GNAI1: variants seen among roughly 807,000 people sequenced by gnomAD.
The protein encoded by GNAI1 is guanine nucleotide-binding protein G(i) subunit alpha-1.
In GNAI1, 11 loss-of-function variants were observed where a neutral mutation model predicts 38.9. The observed-to-expected ratio is 0.28, with a 90% confidence interval of 0.18 to 0.47. GNAI1 has a LOEUF of 0.47. Among genes scored for constraint, GNAI1 ranks in the 20% least tolerant of loss-of-function variants. The pLI is 0.99. For synonymous variants in GNAI1, 166 were observed against 145.1 expected (o/e 1.14, Z -1.04); for missense variants, 317 against 436.9 (o/e 0.73, Z 2.45).
intron 1 of GNAI1, chr7:80,136,214 C>T: frequency 4.9e-6 from 1 of 204,836 alleles, no homozygotes; most frequent in East Asian, 1.8e-4. Context: ...AAAATCTTTA[C>T]AGGTTAAGAT....
intron 1 of GNAI1, among the ~76,000 whole-genome samples, chr7:80,141,714 A>G (rs1457706766): frequency 6.6e-6 from 1 of 151,858 alleles, no homozygotes; most frequent in Non-Finnish European, 1.5e-5. Context: ...CTTTTACTTC[A>G]CCTTTTTCCT....
intron 1 of GNAI1, among the ~76,000 whole-genome samples, chr7:80,184,797 A>G (rs566234385): frequency 4.1e-4 from 63 of 152,242 alleles, no homozygotes; most frequent in African/African-American, 1.5e-3. Context: ...GCTACCTACT[A>G]TAACATCACA....
chr7:80,210,564 T>C (rs981785990), intron 5 of GNAI1, among the ~76,000 whole-genome samples: 18 of 152,158 alleles, frequency 1.2e-4, no homozygotes, highest in African/African-American at 4.1e-4. Context: ...TCCGTGACTG[T>C]GGCAAATGGA....
At chr7:80,175,866 A>G (rs912168844) in intron 1 of GNAI1, among the ~76,000 whole-genome samples, 5 of 152,188 alleles carry the variant, frequency 3.3e-5, no homozygotes, top group Admixed American at 2.6e-4. Flanking sequence ...CCTGAGACAC[A>G]GGAATATTGA....
intron 1 of GNAI1, among the ~76,000 whole-genome samples, chr7:80,168,671 C>A (rs1226619016): frequency 1.3e-5 from 2 of 152,186 alleles, no homozygotes; most frequent in Non-Finnish European, 2.9e-5. Flanking sequence ...GCGTGAGCCA[C>A]CGCGCCTGGC....
At chr7:80,174,189 C>T (rs778875569) in intron 1 of GNAI1, among the ~76,000 whole-genome samples, 2 of 152,022 alleles carry the variant, frequency 1.3e-5, no homozygotes, top group Admixed American at 6.6e-5. Context: ...CTAAATAAAT[C>T]GCATAATTTT....
Position 80,221,021 on chromosome 7 carries a change from G to A in GNAI1, c.*3528G>A, listed in dbSNP as rs1265001411. ...GTTACCATTTTTTACATCATTTGCC[G>A]TTTGCAGAACCACCTTATGTAAATG... On this transcript the variant is annotated 3_prime_UTR_variant, in exon 8 of 8. Transcript: ENST00000649796. Among the ~76,000 whole-genome samples, 5 of 152,090 alleles carry A rather than the reference G, an allele frequency of 3.3e-5. No individual in the cohort carries two copies. Among genetic ancestry groups the A allele is most frequent in the Non-Finnish European group, 4.4e-5 (3 of 68,028 alleles).
At chr7:80,138,485 A>G (rs2116063208) in intron 1 of GNAI1, among the ~76,000 whole-genome samples, 1 of 152,326 alleles carries the variant, frequency 6.6e-6, no homozygotes, top group East Asian at 1.9e-4. Context: ...TAAAGAAGTA[A>G]GTAATAATGA....
At chr7:80,212,959 C>A in intron 7 of GNAI1, 90 bp downstream of exon 7, 1 of 884,588 alleles carries the variant, frequency 1.1e-6, no homozygotes, top group Admixed American at 2.8e-5. Context: ...TAATTTAAAT[C>A]TCTTGGCTTA....
chr7:80,199,245 T>C lies in GNAI1; in HGVS notation c.324T>C (p.Phe108=). 1 of 1,612,046 alleles carries C rather than the reference T, an allele frequency of 6.2e-7. No homozygotes were observed. Among genetic ancestry groups the C allele is most frequent in the Admixed American group, 1.7e-5 (1 of 59,860 alleles). ...TTCAGGATGATGCACGCCAACTCTT[T>C]GTGCTAGCTGGAGCTGCTGAAGAAG... ...SARADDARQL[F]VLAGAAEEGF... Residue 108 remains phenylalanine (F), a synonymous_variant, in exon 4 of 8, where the codon TTT becomes TTC. Coordinates refer to ENST00000649796, the MANE Select transcript of GNAI1 (RefSeq NM_002069.6).
In GNAI1 at chr7:80,223,771, G is replaced by A. The variant is rs1789117267; in HGVS notation, c.*6278G>A. Among the ~76,000 whole-genome samples, 1 of 151,922 alleles carries A rather than the reference G, an allele frequency of 6.6e-6. No individual in the cohort carries two copies. Among genetic ancestry groups the A allele is most frequent in the South Asian group, 2.1e-4 (1 of 4,830 alleles). On this transcript the variant is annotated 3_prime_UTR_variant, in exon 8 of 8. Coordinates refer to ENST00000649796, the MANE Select transcript of GNAI1 (RefSeq NM_002069.6). ...TTGTCCTAGCAATCTACTTCACAAGGCAATTTACCTGTAATAAATATAACT... is the reference window on the plus strand; with the variant it reads ...TTGTCCTAGCAATCTACTTCACAAGACAATTTACCTGTAATAAATATAACT...
At chr7:80,209,798 A>G (rs1394904345) in intron 5 of GNAI1, among the ~76,000 whole-genome samples, 1 of 152,080 alleles carries the variant, frequency 6.6e-6, no homozygotes, top group Non-Finnish European at 1.5e-5. Flanking sequence ...ATTTACTGTC[A>G]TTTATTTTGT....
At chr7:80,168,416 C>T (rs1281830435) in intron 1 of GNAI1, among the ~76,000 whole-genome samples, 4 of 152,074 alleles carry the variant, frequency 2.6e-5, no homozygotes, top group Non-Finnish European at 4.4e-5. Flanking sequence ...GAGACAGAGT[C>T]TCACTTTGTC....
chr7:80,154,592 T>G (rs1204073874), intron 1 of GNAI1, among the ~76,000 whole-genome samples: 1 of 152,216 alleles, frequency 6.6e-6, no homozygotes, highest in Non-Finnish European at 1.5e-5. Flanking sequence ...AACAAGCCTC[T>G]AGCATGCTTT....
intron 1 of GNAI1, among the ~76,000 whole-genome samples, chr7:80,173,612 G>A (rs1788133906): frequency 6.6e-6 from 1 of 152,154 alleles, no homozygotes; most frequent in Non-Finnish European, 1.5e-5. Context: ...TGGGTGGGAA[G>A]GGAGGGAAGA....
intron 1 of GNAI1, among the ~76,000 whole-genome samples, chr7:80,137,293 C>CTTTTTTTTTTTTTTTTTTTTTTTT (rs377362596): frequency 1.0e-5 from 1 of 95,262 alleles, no homozygotes; most frequent in African/African-American, 4.1e-5. Context: ...TTTCTTTTTT[C>CTTTTTTTTTTTTTTTTTTTTTTTT]TTTTTTTTTT....
intron 1 of GNAI1, among the ~76,000 whole-genome samples, chr7:80,139,809 T>C (rs1452678850): frequency 6.6e-6 from 1 of 152,108 alleles, no homozygotes; most frequent in Non-Finnish European, 1.5e-5. Flanking sequence ...TAAGAGCTTT[T>C]CACAGTCATT....
chr7:80,206,260 A>T (rs1257304665), intron 5 of GNAI1, among the ~76,000 whole-genome samples: 2 of 152,080 alleles, frequency 1.3e-5, no homozygotes, highest in South Asian at 4.1e-4. Flanking sequence ...TTAAACAAAG[A>T]TATAGGTAAT....
chr7:80,161,596 C>G (rs1787924252), intron 1 of GNAI1, among the ~76,000 whole-genome samples: 2 of 152,082 alleles, frequency 1.3e-5, no homozygotes, highest in South Asian at 4.2e-4. Flanking sequence ...TTTAGCAGTG[C>G]ATTATGCATT....
Sources: allele counts gnomAD v4.1 joint callset (sites outside exome capture counted in the v4.1 genomes callset), GRCh38; gene constraint gnomAD v4.1.1; transcripts MANE v1.5; gene names NCBI Gene and HGNC (gene_info 2026-07-23, HGNC 2026-07-21).